IGFN1: variants seen among roughly 807,000 people sequenced by gnomAD.
IGFN1 encodes the protein immunoglobulin like and fibronectin type III domain containing 1.
IGFN1 carries 253 observed loss-of-function variants against 289.5 expected under a neutral mutation model. That is an observed-to-expected ratio of 0.87 (90% confidence interval 0.79 to 0.97). The LOEUF (loss-of-function observed/expected upper bound fraction) is 0.97. Among genes scored for constraint, IGFN1 ranks in the 50% least tolerant of loss-of-function variants. The probability of loss-of-function intolerance (pLI) is 0.00; values close to 1 mark genes in which losing one functional copy is unlikely to be tolerated. For synonymous variants in IGFN1, 1,706 were observed against 1,788.5 expected (o/e 0.95, Z 1.16); for missense variants, 4,470 against 4,686.1 (o/e 0.95, Z 1.35).
intron 20 of IGFN1, among the ~76,000 whole-genome samples, chr1:201,223,559 T>C (rs2102370655): frequency 1.3e-5 from 2 of 152,154 alleles, no homozygotes; most frequent in South Asian, 4.2e-4. Flanking sequence ...TTAGTAGAGA[T>C]GGGGTTTCGC....
chr1:201,218,566 G>A lies in IGFN1; in HGVS notation c.9806G>A (p.Cys3269Tyr), dbSNP rs556571048. Residue 3269 changes from cysteine (C) to tyrosine (Y), a missense_variant, in exon 18 of 24, where the codon TGT (cysteine) becomes TAT (tyrosine). This residue lies in a region of IGFN1 where 2,218 missense variants were observed against 2,114.1 expected (regional missense o/e 1.05). Coordinates refer to ENST00000335211, the MANE Select transcript of IGFN1 (RefSeq NM_001164586.2). ...ACGGTGGCGGACGTGCGGCAGGGCTGTCAGTATGAGTTCCGGGTCACAGCT... is the reference window on the plus strand; with the variant it reads ...ACGGTGGCGGACGTGCGGCAGGGCTATCAGTATGAGTTCCGGGTCACAGCT... ...RWTVADVRQGCQYEFRVTAVA... is the reference protein window; with the variant it reads ...RWTVADVRQGYQYEFRVTAVA... The A allele has an allele frequency of 6.2e-7, 1 of 1,613,572 alleles. No individual in the cohort carries two copies. Among genetic ancestry groups the A allele is most frequent in the South Asian group, 1.1e-5 (1 of 91,056 alleles).
Position 201,214,236 on chromosome 1 carries a change from G to A in IGFN1, c.8788G>A (p.Ala2930Thr), listed in dbSNP as rs146903929. 423 of 1,613,654 alleles carry A rather than the reference G, an allele frequency of 2.6e-4. 3 individuals are homozygous for A. In the African/African-American group the frequency reaches 4.8e-3, roughly 18 times the overall value. ...CATGGAAGTGCAGCCGGGGGAGGCC[G>A]CCACACTCTCCTGTACCCTCACCAG... ...ADMEVQPGEA[A>T]TLSCTLTSDL... Residue 2930 changes from alanine (A) to threonine (T), a missense_variant, in exon 13 of 24, where the codon GCC (alanine) becomes ACC (threonine). Transcript: ENST00000335211.
rs1213641754 is a variant in IGFN1, at chr1:201,207,151, T to G, written c.2258T>G (p.Leu753Arg). 4 of 1,536,890 alleles carry G rather than the reference T, an allele frequency of 2.6e-6. No individual in the cohort carries two copies. The highest frequency in any genetic ancestry group is 2.0e-5 in the Admixed American group (1 of 50,980). The change falls in exon 12 of 24, where the codon CTG becomes CGG. Residue 753 changes from leucine to arginine, a missense_variant. Leu to Arg is a moderately radical substitution (Grantham distance 102, BLOSUM62 -2). Coordinates refer to ENST00000335211, the MANE Select transcript of IGFN1 (RefSeq NM_001164586.2). ...CCTGAGATCAAAGCTGAAGACTCACTGCAGGAGGCAGATGGTATATGCCGG... is the reference window on the plus strand; with the variant it reads ...CCTGAGATCAAAGCTGAAGACTCACGGCAGGAGGCAGATGGTATATGCCGG... ...GSPEIKAEDS[L>R]QEADGICRGE...
At chr1:201,205,984 C>T (rs1667398031) in intron 11 of IGFN1, 99 bp from the exon 12 acceptor site, 1 of 870,080 alleles carries the variant, frequency 1.1e-6, no homozygotes, top group Admixed American at 2.4e-5. Flanking sequence ...CAGCTGGGCT[C>T]AGGCAGGTGC....
rs2102335734 is a variant in IGFN1, at chr1:201,207,567, A to T, written c.2674A>T (p.Arg892Trp). The T allele has an allele frequency of 1.3e-6, 2 of 1,536,948 alleles. No individual in the cohort carries two copies. The highest frequency in any genetic ancestry group is 4.9e-5 in the East Asian group (2 of 40,914). Residue 892 changes from arginine (R) to tryptophan (W), a missense_variant, in exon 12 of 24, where the codon AGG (arginine) becomes TGG (tryptophan). Physicochemically the swap from Arg to Trp is moderately radical, Grantham distance 101. This residue lies in a region of IGFN1 where 2,011 missense variants were observed against 1,953.4 expected (regional missense o/e 1.03). Transcript: ENST00000335211. ...GGATGCCAGAAGCCACTGGCTAAGT[A>T]GGGCTCCAGGCCTGGGTGCTCAGGG... ...GVDARSHWLS[R>W]APGLGAQGSG...
chr1:201,206,493 G>A lies in IGFN1; in HGVS notation c.1600G>A (p.Gly534Ser), dbSNP rs758664463. 1.0e-5 allele frequency: 16 copies of A among 1,551,220 alleles called. No homozygotes were observed. In the South Asian group the frequency reaches 1.9e-4, roughly 18 times the overall value. The change falls in exon 12 of 24, where the codon GGC becomes AGC. Residue 534 changes from glycine to serine, a missense_variant. Coordinates refer to ENST00000335211, the MANE Select transcript of IGFN1 (RefSeq NM_001164586.2). ...LQGESSESGL[G>S]LPEKQQQDRG... Reference sequence around the variant, plus strand: ...GGGAGAGAGCTCAGAATCAGGGTTGGGCCTCCCAGAAAAACAACAGCAAGA... The same window carrying A: ...GGGAGAGAGCTCAGAATCAGGGTTGAGCCTCCCAGAAAAACAACAGCAAGA...
chr1:201,216,408 G>C (rs1015325178), intron 15 of IGFN1, 46 bp from the exon 16 acceptor site: 7 of 1,469,674 alleles, frequency 4.8e-6, no homozygotes, highest in Non-Finnish European at 5.4e-6. Flanking sequence ...CTCCCCTCCA[G>C]CTCCTCTGAC....
intron 8 of IGFN1, 131 bp from the exon 9 acceptor site, chr1:201,201,588 G>A (rs567312916): frequency 1.0e-5 from 6 of 576,158 alleles, no homozygotes; most frequent in Non-Finnish European, 1.9e-5. Context: ...TCCCCCACTT[G>A]TAAAAGGGGC....
At chr1:201,193,101 G>A in intron 1 of IGFN1, 146 bp from the exon 2 acceptor site, 1 of 583,910 alleles carries the variant, frequency 1.7e-6, no homozygotes, top group Admixed American at 3.1e-5. Context: ...AAACTAATCA[G>A]TGCCATTAGT....
At position 201,200,265 on chromosome 1, in the gene IGFN1, G is replaced by A. The variant is rs924759752; in HGVS notation, c.487G>A (p.Asp163Asn). ...CCCACCAGCCCCCAAGAAAAAGATGGACCTTGAGCAGATATGGCAGCTGCT... is the reference window on the plus strand; with the variant it reads ...CCCACCAGCCCCCAAGAAAAAGATGAACCTTGAGCAGATATGGCAGCTGCT... The part of the protein sequence containing the change: ...RAPPAPKKKM[D>N]LEQIWQLLMT... Residue 163 changes from aspartate (D) to asparagine (N), a missense_variant, in exon 8 of 24, where the codon GAC becomes AAC. This residue lies in a region of IGFN1 where 2,011 missense variants were observed against 1,953.4 expected (regional missense o/e 1.03). Coordinates refer to ENST00000335211, the MANE Select transcript of IGFN1 (RefSeq NM_001164586.2). 7.9e-5 allele frequency: 123 copies of A among 1,551,728 alleles called. 1 individual carries two copies. Among genetic ancestry groups the A allele is most frequent in the Non-Finnish European group, 1.1e-4 (122 of 1,147,018 alleles).
rs375225991 is a variant in IGFN1 at position 201,196,088 on chromosome 1, T to C, written c.267+110T>C. 16 of 1,089,932 alleles carry C rather than the reference T, an allele frequency of 1.5e-5. No homozygotes were observed. The East Asian group carries it at 1.9e-4, about 13-fold the overall frequency. 67.5% of individuals were successfully genotyped at this position (1,089,932 alleles called of 1,614,324 possible). ...TAGAGGAGTAAGACATACTCCTCGT[T>C]GAGGTTGAATCCATTCAACTCCATC... On this transcript the variant is annotated intron_variant, in intron 4 of 23. Transcript: ENST00000335211.
At position 201,212,565 on chromosome 1, in the gene IGFN1, C is replaced by A; in HGVS notation, c.7672C>A (p.Pro2558Thr). 6.5e-7 allele frequency: 1 copy of A among 1,549,582 alleles called. No individual in the cohort carries two copies. ...TGAACGGGACATCTGGAAAGCAGGCCCAGGAATGACAGACAGGGGTAGAGT... is the reference window on the plus strand; with the variant it reads ...TGAACGGGACATCTGGAAAGCAGGCACAGGAATGACAGACAGGGGTAGAGT... ...GYERDIWKAG[P>T]GMTDRGRVAG... The change falls in exon 12 of 24, where the codon CCA becomes ACA. Residue 2558 changes from proline (P) to threonine (T), a missense_variant. Pro to Thr is a conservative substitution (Grantham distance 38, BLOSUM62 -1). Coordinates refer to ENST00000335211, the MANE Select transcript of IGFN1 (RefSeq NM_001164586.2).
At chr1:201,200,932 C>T (rs1220583410) in intron 8 of IGFN1, among the ~76,000 whole-genome samples, 3 of 151,324 alleles carry the variant, frequency 2.0e-5, no homozygotes, top group Admixed American at 1.3e-4. Context: ...CCCAGGTTCA[C>T]GCCATTCTCC....
At chr1:201,226,761 TG>T in intron 22 of IGFN1, 120 bp from the exon 23 acceptor site, 1 of 756,482 alleles carries the variant, frequency 1.3e-6, no homozygotes, top group Non-Finnish European at 2.2e-6. Context: ...AGGCAAGATG[TG>T]GCAGGAAATC....
chr1:201,224,818 T>C lies in IGFN1; in HGVS notation c.10430T>C (p.Val3477Ala), dbSNP rs1653973776. 1.9e-6 allele frequency: 3 copies of C among 1,614,118 alleles called. No individual in the cohort carries two copies. Among genetic ancestry groups the C allele is most frequent in the East Asian group, 2.2e-5 (1 of 44,890 alleles). ...GLSDSGLYTV[V>A]LRTLQGKEVA... is the part of the protein sequence containing the mutation. Reference sequence around the variant, plus strand: ...TCAGACAGTGGTCTCTACACTGTGGTGCTGAGGACCCTGCAGGGGAAGGAG... The same window carrying C: ...TCAGACAGTGGTCTCTACACTGTGGCGCTGAGGACCCTGCAGGGGAAGGAG... Residue 3477 changes from valine (V) to alanine (A), a missense_variant, in exon 21 of 24, where the codon GTG becomes GCG. Physicochemically the swap from Val to Ala is moderately conservative, Grantham distance 64 (BLOSUM62 0). Coordinates refer to ENST00000335211, the MANE Select transcript of IGFN1 (RefSeq NM_001164586.2).
intron 11 of IGFN1, 68 bp from the exon 12 acceptor site, chr1:201,206,015 G>C (rs989590636): frequency 8.7e-7 from 1 of 1,150,990 alleles, no homozygotes; most frequent in Non-Finnish European, 1.3e-6. Context: ...TTTAACAGGA[G>C]TTTTGGTATT....
At position 201,213,159 on chromosome 1, in the gene IGFN1, G is replaced by A. The variant is rs1192738609; in HGVS notation, c.8266G>A (p.Gly2756Arg). 31 of 1,551,584 alleles carry A rather than the reference G, an allele frequency of 2.0e-5. No homozygotes were observed. Among genetic ancestry groups the A allele is most frequent in the Non-Finnish European group, 2.6e-5 (30 of 1,147,004 alleles). ...GRKASRDRSG[G>R]TQDLSSQRGK... Reference sequence around the variant, plus strand: ...AAAAGCCTCTAGAGATAGGTCAGGAGGGACCCAGGACCTGAGCTCTCAGCG... The same window carrying A: ...AAAAGCCTCTAGAGATAGGTCAGGAAGGACCCAGGACCTGAGCTCTCAGCG... Residue 2756 changes from glycine to arginine, a missense_variant, in exon 12 of 24, where the codon GGG becomes AGG. Physicochemically the swap from Gly to Arg is moderately radical, Grantham distance 125. Around this residue, in one of 8 missense-constraint regions of IGFN1, gnomAD observed 2,218 missense variants for 2,114.1 expected, o/e 1.05. Transcript: ENST00000335211.
rs1458607317 is a variant in IGFN1 at position 201,211,125 on chromosome 1, A to C, written c.6232A>C (p.Lys2078Gln). The C allele has an allele frequency of 6.6e-7, 1 of 1,523,408 alleles. No homozygotes were observed. The highest frequency in any genetic ancestry group is 8.8e-7 in the Non-Finnish European group (1 of 1,139,978). 94.4% of individuals were successfully genotyped at this position (1,523,408 alleles called of 1,614,324 possible). Residue 2078 changes from lysine (K) to glutamine (Q), a missense_variant, in exon 12 of 24, where the codon AAG becomes CAG. Transcript: ENST00000335211. The stretch of plus-strand genomic sequence containing the variant: ...TTATAGGAAGGATTTAGGGGCTCCT[A>C]AGGGAATGGGTTCAGGGAGTAAGAC... ...AGYRKDLGAP[K>Q]GMGSGSKTGF...
rs1571470535 is a variant in IGFN1 at position 201,212,624 on chromosome 1, T to C, written c.7731T>C (p.Gly2577=). 1 of 1,539,736 alleles carries C rather than the reference T, an allele frequency of 6.5e-7. No homozygotes were observed. Among genetic ancestry groups the C allele is most frequent in the Admixed American group, 2.0e-5 (1 of 50,146 alleles). The change falls in exon 12 of 24, where the codon GGT becomes GGC. Residue 2577 remains glycine, a synonymous_variant. Coordinates refer to ENST00000335211, the MANE Select transcript of IGFN1 (RefSeq NM_001164586.2). ...AGGGGGGGTTGGCATCTCAGGGAGG[T>C]GGGGACTCACTTTTGGGAGGCAGAA... ...AGQGGLASQG[G]GDSLLGGRRV... is the part of the protein sequence containing the mutation.
Sources: gnomAD v4.1 joint callset for allele counts (sites outside exome capture counted in the v4.1 genomes callset) on GRCh38, gnomAD v4.1.1 for gene constraint, gnomAD v4.1.1 regional missense constraint, MANE v1.5 for transcripts, NCBI Gene and HGNC (gene_info 2026-07-23, HGNC 2026-07-21) for gene names.